Variants in ORC5 observed in about 807,000 individuals in gnomAD.
ORC5 encodes the protein origin recognition complex subunit 5, also known as protein phosphatase 1, regulatory subunit 117.
A neutral mutation model predicts 58.8 loss-of-function variants in ORC5; 39 were observed. The ratio of observed to expected loss-of-function variants is 0.66; its 90% confidence interval spans 0.51 to 0.87. ORC5 has a LOEUF of 0.87. Ranked by LOEUF, ORC5 falls within the 40% of genes least tolerant of loss-of-function variation. The pLI is 0.00. For synonymous variants in ORC5, 218 were observed against 177.6 expected, an observed-to-expected ratio of 1.23 and a Z score of -1.81; for missense variants, 493 against 506.3, an observed-to-expected ratio of 0.97 and a Z score of 0.25.
At chr7:104,195,339 AC>A in intron 4 of ORC5, 85 bp from the exon 5 acceptor site, 1 of 660,192 alleles carries the variant, frequency 1.5e-6, no homozygotes, top group Non-Finnish European at 2.5e-6. Flanking sequence ...TCTTTCAAAT[AC>A]ATCCCCCCAG....
intron 12 of ORC5, among the ~76,000 whole-genome samples, chr7:104,160,107 C>T (rs1176221037): frequency 6.6e-6 from 1 of 152,002 alleles, no homozygotes; most frequent in Non-Finnish European, 1.5e-5. Flanking sequence ...TGAGTTTCTT[C>T]AAGAACACAA....
In ORC5 at chr7:104,184,161, T is replaced by C. The variant is rs1300928369; in HGVS notation, c.695A>G (p.Asn232Ser). Residue 232 changes from asparagine to serine, a missense_variant, in exon 7 of 14, where the codon AAT (asparagine) becomes AGT (serine). Asn to Ser is a conservative substitution (Grantham distance 46). Coordinates refer to ENST00000297431, the MANE Select transcript of ORC5 (RefSeq NM_002553.4). ...CACGGGTTCACAATATTTAGGAAAA[T>C]TAAGTACTGCCTGTAAGTAAAGAAA... ...LKELRHLAVLNFPKYCEPVVK... is the reference protein window; with the variant it reads ...LKELRHLAVLSFPKYCEPVVK... 1.3e-6 allele frequency: 2 copies of C among 1,568,246 alleles called. No individual in the cohort carries two copies.
chr7:104,136,648 C>T lies in ORC5; in HGVS notation c.1262+133G>A, dbSNP rs1428802195. 3.6e-5 allele frequency: 21 copies of T among 591,494 alleles called. 1 individual carries two copies. Among genetic ancestry groups the T allele is most frequent in the African/African-American group, 7.4e-5 (4 of 54,032 alleles). 36.6% of individuals were successfully genotyped at this position (591,494 alleles called of 1,614,324 possible). On this transcript the variant is annotated intron_variant, in intron 13 of 13. Transcript: ENST00000297431. The surrounding 1 kb of genome is among the most constrained non-coding windows in gnomAD (Gnocchi z 4.2). ...GTAAATTTGAGAAGGTTCATTCTAT[C>T]GTACAGCTTATTCATTCTTGGCACT...
chr7:104,179,319 G>C (rs1419257925), intron 8 of ORC5, among the ~76,000 whole-genome samples: 2 of 152,068 alleles, frequency 1.3e-5, no homozygotes, highest in African/African-American at 4.8e-5. Context: ...TTATTTAAAA[G>C]TATAAGAAAA....
intron 4 of ORC5, among the ~76,000 whole-genome samples, chr7:104,196,699 A>C (rs1210409237): frequency 6.6e-6 from 1 of 152,208 alleles, no homozygotes; most frequent in Admixed American, 6.5e-5. Flanking sequence ...AATATTACTT[A>C]ATACTTTAAT....
At chr7:104,154,743 A>G (rs1007438798) in intron 12 of ORC5, among the ~76,000 whole-genome samples, 3 of 151,900 alleles carry the variant, frequency 2.0e-5, no homozygotes, top group African/African-American at 7.2e-5. Context: ...TTAGATTAAA[A>G]TATTTTTATT....
At chr7:104,137,647 G>A (rs1798611179) in intron 12 of ORC5, among the ~76,000 whole-genome samples, 1 of 152,074 alleles carries the variant, frequency 6.6e-6, no homozygotes, top group African/African-American at 2.4e-5. Context: ...GCAAGCGGCT[G>A]GACATCGAGA....
At chr7:104,170,900 A>AT (rs983519716) in intron 8 of ORC5, among the ~76,000 whole-genome samples, 3 of 152,012 alleles carry the variant, frequency 2.0e-5, no homozygotes, top group Non-Finnish European at 2.9e-5. Context: ...CTACCTGATT[A>AT]TTTTTACCTC....
intron 12 of ORC5, among the ~76,000 whole-genome samples, chr7:104,144,357 C>A (rs1416484887): frequency 6.6e-6 from 1 of 152,118 alleles, no homozygotes; most frequent in Non-Finnish European, 1.5e-5. Flanking sequence ...GCATAAATAG[C>A]AGAATATCCA....
At chr7:104,176,686 T>TG (rs35470303) in intron 8 of ORC5, among the ~76,000 whole-genome samples, 93,692 of 151,968 alleles carry the variant, frequency 0.62, 30,798 homozygotes, top group Non-Finnish European at 0.75. Context: ...ATTTAGTTGT[T>TG]GGGAGCTCAG....
intron 12 of ORC5, among the ~76,000 whole-genome samples, chr7:104,148,836 C>T (rs1798801204): frequency 6.6e-6 from 1 of 152,084 alleles, no homozygotes; most frequent in Non-Finnish European, 1.5e-5. Flanking sequence ...GAGTTCAAGA[C>T]CAGCCTGGCC....
intron 4 of ORC5, among the ~76,000 whole-genome samples, chr7:104,195,492 C>T (rs918605723): frequency 9.8e-5 from 15 of 152,292 alleles, no homozygotes; most frequent in Middle Eastern, 3.4e-3. Context: ...GCCTCAACCT[C>T]CTAGGCATAA....
At chr7:104,181,393 T>A (rs1284897125) in intron 8 of ORC5, among the ~76,000 whole-genome samples, 1 of 152,074 alleles carries the variant, frequency 6.6e-6, no homozygotes. Context: ...ATATGTTTAT[T>A]CACTAAGTTC....
intron 8 of ORC5, among the ~76,000 whole-genome samples, chr7:104,182,607 A>C (rs1799457759): frequency 6.6e-6 from 1 of 152,060 alleles, no homozygotes; most frequent in East Asian, 1.9e-4. Flanking sequence ...TAATACCACA[A>C]GCTGTACCCG....
At chr7:104,143,918 A>C (rs1307607172) in intron 12 of ORC5, among the ~76,000 whole-genome samples, 2 of 152,148 alleles carry the variant, frequency 1.3e-5, no homozygotes, top group African/African-American at 2.4e-5. Context: ...CAGGAGTTTC[A>C]GATCAGCCTG....
chr7:104,155,620 C>T (rs930437316), intron 12 of ORC5, among the ~76,000 whole-genome samples: 1 of 151,418 alleles, frequency 6.6e-6, no homozygotes, highest in Non-Finnish European at 1.5e-5. Context: ...AAACATATTC[C>T]TTTTACAAGT....
chr7:104,136,693 T>A lies in ORC5; in HGVS notation c.1262+88A>T, dbSNP rs1006052167. ...GGCACTTAAATAGATGATTTTTTCA[T>A]GTTTAAATGTCATGACTAATGACAT... On this transcript the variant is annotated intron_variant, in intron 13 of 13. Transcript: ENST00000297431. This position sits in a 1 kb window ranked among gnomAD's most constrained non-coding sequence, Gnocchi z 4.2. 9 of 796,886 alleles carry A rather than the reference T, an allele frequency of 1.1e-5. No individual in the cohort carries two copies. Among genetic ancestry groups the A allele is most frequent in the Non-Finnish European group, 1.9e-5 (9 of 479,364 alleles). The allele number at this position is 796,886 out of a possible 1,614,324, so 49.4% of individuals were successfully genotyped here. A position where few individuals can be genotyped will look rare whatever the true frequency, so the allele number is the denominator to read the frequency against.
Position 104,136,815 on chromosome 7 carries a change from T to C in ORC5, c.1228A>G (p.Thr410Ala), listed in dbSNP as rs377511600. 3.7e-6 allele frequency: 6 copies of C among 1,613,590 alleles called. No individual in the cohort carries two copies. The highest frequency in any genetic ancestry group is 1.3e-5 in the African/African-American group (1 of 74,908). Residue 410 changes from threonine (T) to alanine (A), a missense_variant, in exon 13 of 14, where the codon ACA (threonine) becomes GCA (alanine). Physicochemically the swap from Thr to Ala is moderately conservative, Grantham distance 58. Transcript: ENST00000297431. This position sits in a 1 kb window ranked among gnomAD's most constrained non-coding sequence, Gnocchi z 4.2. ...GCTCTGATGAAGTCTAGAGACACTG[T>C]GCATTTGTATTTTGGTCCATCAAGC... Reference protein sequence around the residue: ...DQLDGPKYKCTVSLDFIRAIA... With the variant: ...DQLDGPKYKCAVSLDFIRAIA...
At chr7:104,154,391 G>A (rs1798891211) in intron 12 of ORC5, among the ~76,000 whole-genome samples, 1 of 151,938 alleles carries the variant, frequency 6.6e-6, no homozygotes. Context: ...AACTACTTAA[G>A]TAAAAAACTC....
Sources: gnomAD v4.1 joint callset for allele counts (sites outside exome capture counted in the v4.1 genomes callset) on GRCh38, gnomAD v4.1.1 for gene constraint, Gnocchi (gnomAD v3.1) non-coding constraint, MANE v1.5 for transcripts, NCBI Gene and HGNC (gene_info 2026-07-23, HGNC 2026-07-21) for gene names.